Variants in CAST observed in about 807,000 individuals in gnomAD.
CAST encodes MIR583 host.
In CAST, 76 loss-of-function variants were observed where a neutral mutation model predicts 119.6. The observed-to-expected ratio is 0.64, with a 90% CI of 0.53 to 0.77. CAST has a LOEUF of 0.77. Ranked by LOEUF, CAST falls within the 30% of genes least tolerant of loss-of-function variation. The pLI is 0.00. For synonymous variants in CAST, 319 were observed against 331.6 expected, an observed-to-expected ratio of 0.96 and a Z score of 0.41; for missense variants, 953 against 946.5, an observed-to-expected ratio of 1.01 and a Z score of -0.09.
At chr5:96,213,886 C>T in the CAST span, 1 of 152,138 alleles carries the variant, frequency 6.6e-6, no homozygotes, top group Non-Finnish European at 1.5e-5. Flanking sequence ...ACCATGTTTT[C>T]CAGTTTTATG....
chr5:96,162,339 A>C, the CAST span, among the ~76,000 whole-genome samples: 1 of 152,202 alleles, frequency 6.6e-6, no homozygotes, highest in African/African-American at 2.4e-5. Context: ...ATTTTTATAG[A>C]ATGCTTTTCC....
the CAST span, among the ~76,000 whole-genome samples, chr5:96,000,408 C>G: frequency 6.6e-6 from 1 of 152,024 alleles, no homozygotes; most frequent in Non-Finnish European, 1.5e-5. Flanking sequence ...TTTTTATTTA[C>G]TTTTTGTATA....
the CAST span, among the ~76,000 whole-genome samples, chr5:96,337,604 T>C: frequency 6.6e-6 from 1 of 152,216 alleles, no homozygotes. Context: ...GGACACCAGC[T>C]GGATCTTCTG....
At position 96,619,713 on chromosome 5, in the gene CAST, A is replaced by G. The variant is rs115228310; in HGVS notation, c.61-55826A>G. On this transcript the variant is annotated intron_variant, in intron 1 of 11. Coordinates refer to the CAST transcript ENST00000505143. ...TCCGAACGCATCCAAACATCAGAAT[A>G]ACAAACTCCAGGCACACCATCTTTA... 3.2e-3 allele frequency among the ~76,000 whole-genome samples: 484 copies of G among 152,304 alleles called. 2 individuals carry two copies. Among genetic ancestry groups the G allele is most frequent in the African/African-American group, 0.011 (459 of 41,542 alleles).
At chr5:95,998,868 A>G in the CAST span, among the ~76,000 whole-genome samples, 1 of 152,142 alleles carries the variant, frequency 6.6e-6, no homozygotes, top group Non-Finnish European at 1.5e-5. Context: ...ATTCCCACCA[A>G]CAGTGTGTAA....
chr5:96,079,229 C>T, the CAST span: 1 of 405,104 alleles, frequency 2.5e-6, no homozygotes, highest in Non-Finnish European at 5.0e-6. Context: ...CCCTGGGCCC[C>T]CTTCATTTCA....
At chr5:96,453,922 A>G in the CAST span, among the ~76,000 whole-genome samples, 861 of 152,298 alleles carry the variant, frequency 5.7e-3, 9 homozygotes, top group Non-Finnish European at 7.9e-3. Context: ...AATCTAGAAA[A>G]TGATCTACAT....
intron 3 of CAST, among the ~76,000 whole-genome samples, chr5:96,697,848 A>G (rs574525297): frequency 6.6e-6 from 1 of 152,340 alleles, no homozygotes; most frequent in Admixed American, 6.5e-5. Context: ...ACTAACACTT[A>G]GGCCTGGCCC....
chr5:96,739,472 C>A (rs1229589845), intron 11 of CAST, among the ~76,000 whole-genome samples: 1 of 152,128 alleles, frequency 6.6e-6, no homozygotes, highest in Non-Finnish European at 1.5e-5. Context: ...GAATATGATA[C>A]CATTTATATA....
At chr5:96,155,514 C>T in the CAST span, among the ~76,000 whole-genome samples, 1 of 152,170 alleles carries the variant, frequency 6.6e-6, no homozygotes, top group Non-Finnish European at 1.5e-5. Flanking sequence ...TTTAAACATG[C>T]ATTTTCATGG....
At chr5:96,151,953 G>C in the CAST span, among the ~76,000 whole-genome samples, 1 of 152,128 alleles carries the variant, frequency 6.6e-6, no homozygotes, top group Admixed American at 6.6e-5. Flanking sequence ...GATGAGTATT[G>C]TCATGACCAG....
chr5:96,556,624 A>G (rs937302628), intron 1 of CAST, among the ~76,000 whole-genome samples: 4 of 152,238 alleles, frequency 2.6e-5, no homozygotes, highest in Non-Finnish European at 5.9e-5. Context: ...GGAAGACCAA[A>G]TGAATGAAAT....
chr5:96,428,360 A>G, the CAST span, among the ~76,000 whole-genome samples: 1 of 152,226 alleles, frequency 6.6e-6, no homozygotes, highest in Non-Finnish European at 1.5e-5. Context: ...AAAATTATGT[A>G]CACAGATATC....
intron 24 of CAST, chr5:96,760,903 A>G (rs1174216106): frequency 2.6e-5 from 4 of 151,988 alleles, no homozygotes; most frequent in Non-Finnish European, 4.4e-5. Context: ...ATAAATGTAT[A>G]AAATATGAAA....
the CAST span, chr5:96,393,402 A>C: frequency 6.2e-7 from 1 of 1,612,856 alleles, no homozygotes; most frequent in Non-Finnish European, 8.5e-7. Context: ...TGCCATCCAC[A>C]AAGGGAAGAA....
chr5:96,520,767 C>T (rs1745504754), upstream of CAST, among the ~76,000 whole-genome samples: 1 of 152,178 alleles, frequency 6.6e-6, no homozygotes, highest in South Asian at 2.1e-4. Flanking sequence ...TCTTTGTCAT[C>T]ATTTCATTGC....
the CAST span, among the ~76,000 whole-genome samples, chr5:96,399,329 G>T: frequency 6.6e-6 from 1 of 152,076 alleles, no homozygotes. Flanking sequence ...TTATCTAGAA[G>T]GCCTTCTGAA....
At chr5:96,252,231 G>A in the CAST span, among the ~76,000 whole-genome samples, 1 of 152,050 alleles carries the variant, frequency 6.6e-6, no homozygotes, top group Non-Finnish European at 1.5e-5. Flanking sequence ...GTGATGGAAA[G>A]GAAAAAGCCT....
At chr5:96,218,291 T>G in the CAST span, among the ~76,000 whole-genome samples, 2 of 152,190 alleles carry the variant, frequency 1.3e-5, no homozygotes, top group Non-Finnish European at 2.9e-5. Flanking sequence ...TTCAGTTGAT[T>G]GTTGTATCTG....
Sources: gnomAD v4.1 joint callset for allele counts (sites outside exome capture counted in the v4.1 genomes callset) on GRCh38, gnomAD v4.1.1 for gene constraint, MANE v1.5 for transcripts, NCBI Gene and HGNC (gene_info 2026-07-23, HGNC 2026-07-21) for gene names.